VASH2: variants seen among roughly 807,000 people sequenced by gnomAD.
VASH2 encodes vasohibin 2.
VASH2 carries 28 observed loss-of-function variants against 37.2 expected under a neutral mutation model. The ratio of observed to expected loss-of-function variants is 0.75; its 90% CI spans 0.56 to 1.03. The LOEUF (loss-of-function observed/expected upper bound fraction) is 1.03. Ranked by LOEUF, VASH2 falls within the 50% of genes least tolerant of loss-of-function variation. The pLI, the probability that VASH2 is intolerant of heterozygous loss-of-function variation, is 0.00. For synonymous variants in VASH2, 188 were observed against 174.7 expected (o/e 1.08, Z -0.60); for missense variants, 419 against 459.1 (o/e 0.91, Z 0.80).
At chr1:212,966,099 C>G in intron 4 of VASH2, 172 bp from the exon 5 acceptor site, 3 of 634,110 alleles carry the variant, frequency 4.7e-6, no homozygotes, top group Non-Finnish European at 8.4e-6. Flanking sequence ...GGCACTAACT[C>G]CAGGAATTAA....
chr1:212,952,066 G>A (rs1367859392), intron 2 of VASH2, among the ~76,000 whole-genome samples: 3 of 152,176 alleles, frequency 2.0e-5, no homozygotes, highest in African/African-American at 7.2e-5. Flanking sequence ...ATTGTGCCAA[G>A]GTGTCTTTGA....
chr1:212,988,308 T>C (rs956088993), intron 7 of VASH2, among the ~76,000 whole-genome samples: 1 of 152,190 alleles, frequency 6.6e-6, no homozygotes, highest in Non-Finnish European at 1.5e-5. Context: ...ATTGAAAGTC[T>C]GTTAAAATGT....
intron 7 of VASH2, among the ~76,000 whole-genome samples, chr1:212,978,123 G>A (rs1254362158): frequency 2.6e-5 from 4 of 152,280 alleles, no homozygotes; most frequent in East Asian, 1.9e-4. Flanking sequence ...CCATGTTTGG[G>A]CCCCAGTGAA....
intron 5 of VASH2, among the ~76,000 whole-genome samples, chr1:212,970,898 G>GAAAAA (rs111890314): frequency 0.013 from 1,865 of 143,478 alleles, 45 homozygotes; most frequent in African/African-American, 0.044. Flanking sequence ...TCAAAAAAAT[G>GAAAAA]AAAAAAAAAA....
chr1:212,953,415 A>C (rs1406622561), intron 2 of VASH2, among the ~76,000 whole-genome samples: 2 of 152,038 alleles, frequency 1.3e-5, no homozygotes, highest in East Asian at 3.9e-4. Context: ...TCTTAGACCA[A>C]CCATAAATCC....
rs2075825698 is a variant in VASH2 at position 212,988,827 on chromosome 1, T to C, written c.*243T>C. The stretch of plus-strand genomic sequence containing the variant: ...TGGACTATGTCCCTCACTCAAGATC[T>C]TAAGGATAACCGTAACTGAAGTTTT... On this transcript the variant is annotated 3_prime_UTR_variant, in exon 8 of 8. Transcript: ENST00000517399. 2.0e-6 allele frequency: 1 copy of C among 493,728 alleles called. No homozygotes were observed. Among genetic ancestry groups the C allele is most frequent in the African/African-American group, 1.9e-5 (1 of 52,044 alleles). The allele number at this position is 493,728 out of a possible 1,614,324, so 30.6% of individuals were successfully genotyped here.
chr1:212,959,278 G>GTA (rs1358360712), intron 2 of VASH2, among the ~76,000 whole-genome samples: 2 of 152,100 alleles, frequency 1.3e-5, no homozygotes, highest in Admixed American at 1.3e-4. Context: ...GTGTGTGTGT[G>GTA]TGTGTGTCTC....
chr1:212,986,469 A>T (rs1667482055), intron 7 of VASH2, among the ~76,000 whole-genome samples: 1 of 152,110 alleles, frequency 6.6e-6, no homozygotes, highest in South Asian at 2.1e-4. Flanking sequence ...ATGCATGTGG[A>T]CTCTTTAAAC....
chr1:212,964,469 C>T (rs981742396), intron 3 of VASH2, among the ~76,000 whole-genome samples: 8 of 152,170 alleles, frequency 5.3e-5, no homozygotes, highest in African/African-American at 1.9e-4. Flanking sequence ...AAGAGCAAAA[C>T]CTACAAAGCA....
At chr1:212,976,041 G>T (rs1291599661) in intron 7 of VASH2, among the ~76,000 whole-genome samples, 3 of 152,214 alleles carry the variant, frequency 2.0e-5, no homozygotes, top group Non-Finnish European at 4.4e-5. Flanking sequence ...AAAGATCTTA[G>T]AAACCATGGT....
intron 7 of VASH2, among the ~76,000 whole-genome samples, chr1:212,978,947 G>C (rs1226381922): frequency 6.6e-6 from 1 of 152,216 alleles, no homozygotes; most frequent in Non-Finnish European, 1.5e-5. Flanking sequence ...TTTGAGGAGG[G>C]AAGATTCTCT....
intron 3 of VASH2, among the ~76,000 whole-genome samples, chr1:212,963,176 C>T (rs1666728531): frequency 6.6e-6 from 1 of 152,206 alleles, no homozygotes; most frequent in South Asian, 2.1e-4. Context: ...TTCTCTGCCA[C>T]ATTTTCATGG....
At chr1:212,966,525 A>C (rs1025566826) in intron 5 of VASH2, among the ~76,000 whole-genome samples, 180 bp downstream of exon 5, 2 of 152,178 alleles carry the variant, frequency 1.3e-5, no homozygotes. Flanking sequence ...AACCAAATCA[A>C]TGCTTGGCTT....
At chr1:212,967,886 T>C (rs1666895830) in intron 5 of VASH2, 1 of 153,088 alleles carries the variant, frequency 6.5e-6, no homozygotes, top group Non-Finnish European at 1.5e-5. Flanking sequence ...GGAATGAGAG[T>C]GGCAGAGAAA....
intron 5 of VASH2, among the ~76,000 whole-genome samples, chr1:212,969,971 T>C (rs1465632208): frequency 6.6e-6 from 1 of 152,226 alleles, no homozygotes; most frequent in Non-Finnish European, 1.5e-5. Context: ...GCGCATGCTT[T>C]TACATGCATG....
intron 5 of VASH2, chr1:212,968,229 G>A (rs1666908591): frequency 2.0e-6 from 2 of 985,412 alleles, no homozygotes; most frequent in Non-Finnish European, 2.4e-6. Flanking sequence ...AGGAGGTTGT[G>A]CTTACTGTTC....
rs947083211 is a variant in VASH2, at chr1:212,989,967, G to A, written c.*1383G>A. Reference sequence around the variant, plus strand: ...TGCCAACTCAGGAGAGCAGACGGCCGATTTCAGTGAAGTCTGGTAGTCAAC... The same window carrying A: ...TGCCAACTCAGGAGAGCAGACGGCCAATTTCAGTGAAGTCTGGTAGTCAAC... On this transcript the variant is annotated 3_prime_UTR_variant, in exon 8 of 8. Coordinates refer to ENST00000517399, the MANE Select transcript of VASH2 (RefSeq NM_001301056.2). 2.6e-5 allele frequency: 4 copies of A among 151,960 alleles called. No homozygotes were observed. The highest frequency in any genetic ancestry group is 9.7e-5 in the African/African-American group (4 of 41,352). The allele number at this position is 151,960 out of a possible 1,614,324, so 9.4% of individuals were successfully genotyped here.
intron 5 of VASH2, chr1:212,968,424 G>T (rs1160723350): frequency 5.1e-6 from 5 of 985,378 alleles, no homozygotes; most frequent in Non-Finnish European, 6.0e-6. Flanking sequence ...AGGAGGATTG[G>T]TCTAGTCTGT....
At chr1:212,982,873 C>T (rs1019915371) in intron 7 of VASH2, among the ~76,000 whole-genome samples, 6 of 152,146 alleles carry the variant, frequency 3.9e-5, no homozygotes, top group East Asian at 1.9e-4. Flanking sequence ...TTTGGAAGCA[C>T]TCAAGCTGTT....
Sources: gnomAD v4.1 joint callset for allele counts (sites outside exome capture counted in the v4.1 genomes callset) on GRCh38, gnomAD v4.1.1 for gene constraint, MANE v1.5 for transcripts, NCBI Gene and HGNC (gene_info 2026-07-23, HGNC 2026-07-21) for gene names.